The following RBFOX1 variants were observed in gnomAD, a reference collection of about 807,000 sequenced individuals.
The protein encoded by RBFOX1 is RNA binding protein fox-1 homolog 1.
A neutral mutation model predicts 57.7 loss-of-function variants in RBFOX1; 8 were observed. That is an observed-to-expected ratio of 0.14 (90% CI 0.08 to 0.25). The LOEUF (loss-of-function observed/expected upper bound fraction) is 0.25. Ranked by LOEUF, RBFOX1 falls within the 10% of genes least tolerant of loss-of-function variation. The pLI is 1.00. For synonymous variants in RBFOX1, 326 were observed against 222.4 expected, an observed-to-expected ratio of 1.47 and a Z score of -4.15; for missense variants, 611 against 548.5, an observed-to-expected ratio of 1.11 and a Z score of -1.14.
chr16:5,889,096 T>G (rs1384676191), intron 4 of RBFOX1, among the ~76,000 whole-genome samples: 1 of 152,196 alleles, frequency 6.6e-6, no homozygotes, highest in Non-Finnish European at 1.5e-5. Flanking sequence ...ATCTTATTTT[T>G]CTTCAACTTT....
chr16:7,627,298 A>C (rs547084513), intron 10 of RBFOX1, among the ~76,000 whole-genome samples: 1 of 152,088 alleles, frequency 6.6e-6, no homozygotes, highest in East Asian at 1.9e-4. Context: ...ATCATTGCCT[A>C]CTGGCTGTGT....
chr16:5,485,789 C>T (rs1484271454), intron 2 of RBFOX1, among the ~76,000 whole-genome samples: 1 of 152,196 alleles, frequency 6.6e-6, no homozygotes, highest in Non-Finnish European at 1.5e-5. Context: ...TGCCCCCTGT[C>T]TGGGAGCACA....
At chr16:5,888,968 G>C (rs12325581) in intron 4 of RBFOX1, among the ~76,000 whole-genome samples, 47 of 152,246 alleles carry the variant, frequency 3.1e-4, no homozygotes, top group African/African-American at 1.1e-3. Flanking sequence ...TGTGGGCTGT[G>C]AGGTTCCCTT....
intron 1 of RBFOX1, among the ~76,000 whole-genome samples, chr16:5,374,620 C>G (rs2151378874): frequency 6.6e-6 from 1 of 151,834 alleles, no homozygotes; most frequent in East Asian, 1.9e-4. Context: ...TGAGCTTGGA[C>G]TTAATCCATT....
intron 3 of RBFOX1, among the ~76,000 whole-genome samples, chr16:5,806,224 A>C (rs560573370): frequency 6.6e-6 from 1 of 152,334 alleles, no homozygotes; most frequent in Non-Finnish European, 1.5e-5. Context: ...AGTTATAACA[A>C]AATGATGAGA....
chr16:6,413,091 G>T (rs773951649), intron 2 of RBFOX1, among the ~76,000 whole-genome samples: 1 of 152,136 alleles, frequency 6.6e-6, no homozygotes, highest in African/African-American at 2.4e-5. Flanking sequence ...AGGCCAAGGC[G>T]GGTGGATCAC....
chr16:6,160,746 C>T (rs369241646), intron 1 of RBFOX1, among the ~76,000 whole-genome samples: 285 of 152,282 alleles, frequency 1.9e-3, no homozygotes, highest in Non-Finnish European at 2.9e-3. Flanking sequence ...CAACTGCAGT[C>T]GTTCCTCTAG....
chr16:6,154,081 A>T (rs2096821957), intron 1 of RBFOX1, among the ~76,000 whole-genome samples: 1 of 152,234 alleles, frequency 6.6e-6, no homozygotes, highest in South Asian at 2.1e-4. Context: ...TAGCCTGGTG[A>T]TTCACACAGG....
chr16:7,548,639 G>T (rs569943077), intron 5 of RBFOX1, among the ~76,000 whole-genome samples: 2 of 152,300 alleles, frequency 1.3e-5, no homozygotes, highest in East Asian at 3.9e-4. Flanking sequence ...AGGAGCGGGG[G>T]GGCAGTCAAA....
intron 4 of RBFOX1, among the ~76,000 whole-genome samples, chr16:5,908,379 G>A (rs1399594375): frequency 1.3e-5 from 2 of 149,648 alleles, no homozygotes; most frequent in East Asian, 4.0e-4. Flanking sequence ...GTAAGACAGA[G>A]TCTGACTCTG....
intron 1 of RBFOX1, among the ~76,000 whole-genome samples, chr16:5,297,066 T>C (rs752619271): frequency 2.6e-5 from 4 of 152,240 alleles, no homozygotes; most frequent in Non-Finnish European, 5.9e-5. Flanking sequence ...GTTCTCCAGG[T>C]TCATCCATGT....
intron 1 of RBFOX1, among the ~76,000 whole-genome samples, chr16:5,327,027 T>G (rs1476848033): frequency 2.0e-5 from 3 of 152,194 alleles, no homozygotes; most frequent in African/African-American, 4.8e-5. Context: ...TCATTAGATT[T>G]TGTTAGAAAG....
chr16:7,619,045 C>G (rs969721187), intron 10 of RBFOX1, among the ~76,000 whole-genome samples: 2 of 152,284 alleles, frequency 1.3e-5, no homozygotes, highest in East Asian at 1.9e-4. Context: ...GGAAACTAAA[C>G]AAGGATTATT....
chr16:6,843,711 A>C (rs942372783), intron 3 of RBFOX1, among the ~76,000 whole-genome samples: 31 of 152,156 alleles, frequency 2.0e-4, no homozygotes, highest in Non-Finnish European at 2.4e-4. Context: ...TAAAATTATA[A>C]AAAAGCTTTA....
rs111527314 is a variant in RBFOX1, at chr16:7,462,106, C to T, written c.28-56041C>T. Reference sequence around the variant, plus strand: ...GTTCTTTTCTTGGTATTTGGCCTGACATACCAGGGAAGCTACTACCTCTGT... The same window carrying T: ...GTTCTTTTCTTGGTATTTGGCCTGATATACCAGGGAAGCTACTACCTCTGT... On this transcript the variant is annotated intron_variant, in intron 4 of 15. Transcript: ENST00000550418. Among the ~76,000 whole-genome samples the T allele has an allele frequency of 3.1e-3, 475 of 152,302 alleles. 5 individuals carry two copies. The highest frequency in any genetic ancestry group is 0.011 in the African/African-American group (444 of 41,572).
At chr16:7,341,483 A>G (rs573996565) in intron 4 of RBFOX1, among the ~76,000 whole-genome samples, 56 of 152,168 alleles carry the variant, frequency 3.7e-4, no homozygotes, top group Admixed American at 7.2e-4. Flanking sequence ...GGGCCATGCC[A>G]TTCGCAGTAG....
At chr16:6,980,343 A>G (rs905910024) in intron 3 of RBFOX1, among the ~76,000 whole-genome samples, 1 of 152,178 alleles carries the variant, frequency 6.6e-6, no homozygotes, top group African/African-American at 2.4e-5. Flanking sequence ...GTTCCAGATG[A>G]GGACTAACAT....
rs375834255 is a variant in RBFOX1 at position 6,947,976 on chromosome 16, A to T, written c.-15-104081A>T. ...ATTTTTTAAATAGAGACAGGCTCTT[A>T]TCACGTTTGCCAGGTTGGTCTCAAA... On this transcript the variant is annotated intron_variant, in intron 3 of 15. Transcript: ENST00000550418. 3.6e-4 allele frequency among the ~76,000 whole-genome samples: 55 copies of T among 152,184 alleles called. 1 individual carries two copies. In the South Asian group the frequency reaches 0.011, roughly 30 times the overall value.
chr16:7,469,840 C>T (rs1403269216), intron 4 of RBFOX1, among the ~76,000 whole-genome samples: 1 of 152,156 alleles, frequency 6.6e-6, no homozygotes, highest in African/African-American at 2.4e-5. Context: ...CTAATTTCAT[C>T]CGTCCTGCTC....
Sources: gnomAD v4.1 joint callset for allele counts (sites outside exome capture counted in the v4.1 genomes callset) on GRCh38, gnomAD v4.1.1 for gene constraint, MANE v1.5 for transcripts, NCBI Gene and HGNC (gene_info 2026-07-23, HGNC 2026-07-21) for gene names.